The following AKAP1 variants were observed in gnomAD, a reference collection of about 807,000 sequenced individuals.
AKAP1 encodes A-kinase anchor protein 1, mitochondrial.
In AKAP1, 32 loss-of-function variants were observed where a neutral mutation model predicts 79.8. The ratio of observed to expected loss-of-function variants is 0.40; its 90% CI spans 0.30 to 0.54. AKAP1 has a LOEUF of 0.54. Among genes scored for constraint, AKAP1 ranks in the 20% least tolerant of loss-of-function variants. The probability of loss-of-function intolerance (pLI) is 0.47; values close to 1 mark genes in which losing one functional copy is unlikely to be tolerated. For missense variants in AKAP1, 961 were observed against 1,138.9 expected (o/e 0.84, Z 2.25); for synonymous variants, 416 against 466.7 (o/e 0.89, Z 1.40).
At chr17:57,109,974 G>A in intron 2 of AKAP1, 51 bp from the exon 3 acceptor site, 1 of 1,594,442 alleles carries the variant, frequency 6.3e-7, no homozygotes, top group Non-Finnish European at 8.6e-7. Context: ...GTTACTGGCT[G>A]CTCTGAGTGG....
Position 57,106,501 on chromosome 17 carries a change from G to A in AKAP1, c.1037G>A (p.Arg346Gln), listed in dbSNP as rs750999996. Reference protein sequence around the residue: ...EGLDRNEEIKRAAFQIISQVI... With the variant: ...EGLDRNEEIKQAAFQIISQVI... ...TTGGATAGAAATGAGGAGATTAAGC[G>A]GGCTGCCTTCCAGATAATCTCCCAA... The change falls in exon 2 of 11, where the codon CGG (arginine) becomes CAG (glutamine). Residue 346 changes from arginine to glutamine, a missense_variant. Transcript: ENST00000337714. The A allele has an allele frequency of 6.7e-5, 108 of 1,613,324 alleles. No individual in the cohort carries two copies. Among genetic ancestry groups the A allele is most frequent in the Non-Finnish European group, 6.5e-5 (77 of 1,179,704 alleles).
intron 1 of AKAP1, among the ~76,000 whole-genome samples, chr17:57,100,053 A>C (rs1914392279): frequency 6.6e-6 from 1 of 152,176 alleles, no homozygotes; most frequent in Non-Finnish European, 1.5e-5. Flanking sequence ...GGCTTCTCCC[A>C]GCCATCTTGA....
At chr17:57,107,885 A>C in intron 2 of AKAP1, 1 of 1,129,400 alleles carries the variant, frequency 8.9e-7, no homozygotes, top group Non-Finnish European at 1.2e-6. Flanking sequence ...GGGAGGCTTG[A>C]GCTTCCTGAG....
At chr17:57,085,994 A>G (rs778622126) in intron 1 of AKAP1, 12 of 183,846 alleles carry the variant, frequency 6.5e-5, no homozygotes, top group Non-Finnish European at 1.2e-4. Flanking sequence ...GGAACTGGGA[A>G]GATGGGCCGG....
intron 1 of AKAP1, among the ~76,000 whole-genome samples, chr17:57,103,934 A>G (rs746985036): frequency 6.6e-6 from 1 of 152,004 alleles, no homozygotes; most frequent in African/African-American, 2.4e-5. Flanking sequence ...GGCCCTTACT[A>G]TTCCTCCTTG....
Position 57,106,895 on chromosome 17 carries a change from G to A in AKAP1, c.1431G>A (p.Arg477=). ...LTTPSEELPD[R]AGILVEDATC... is the part of the protein sequence containing the mutation. ...CCCCCAGTGAAGAGTTGCCGGACCG[G>A]GCAGGCATCCTGGTGGAAGATGCCA... Residue 477 remains arginine (R), a synonymous_variant, in exon 2 of 11, where the codon CGG becomes CGA. Coordinates refer to ENST00000337714, the MANE Select transcript of AKAP1 (RefSeq NM_003488.4). 1 of 1,613,832 alleles carries A rather than the reference G, an allele frequency of 6.2e-7. No individual in the cohort carries two copies. Among genetic ancestry groups the A allele is most frequent in the East Asian group, 2.2e-5 (1 of 44,866 alleles).
rs1009484034 is a variant in AKAP1 at position 57,114,548 on chromosome 17, T to C, written c.2193T>C (p.Pro731=). The change falls in exon 6 of 11, where the codon CCT becomes CCC. Residue 731 remains proline, a synonymous_variant. Transcript: ENST00000337714. ...TGTTCGTGCAGCAGCACACACACCCTACCTTCCACGCGCTGCGCAGCCTCG... is the reference window on the plus strand; with the variant it reads ...TGTTCGTGCAGCAGCACACACACCCCACCTTCCACGCGCTGCGCAGCCTCG... ...GHLFVQQHTH[P]TFHALRSLDQ... The C allele has an allele frequency of 2.5e-6, 4 of 1,614,072 alleles. No homozygotes were observed. In the African/African-American group the frequency reaches 4.0e-5, roughly 16 times the overall value.
chr17:57,095,484 T>A, intron 1 of AKAP1: 1 of 125,768 alleles, frequency 8.0e-6, no homozygotes, highest in Admixed American at 8.7e-5. Flanking sequence ...TTTTTTTTTT[T>A]TCTTCTGCCC....
At chr17:57,095,618 A>C (rs751123222) in intron 1 of AKAP1, 1 of 151,776 alleles carries the variant, frequency 6.6e-6, no homozygotes, top group African/African-American at 2.4e-5. Flanking sequence ...ATTACCTTCT[A>C]TGCTTTTATG....
In AKAP1 at chr17:57,105,579, C is replaced by G. The variant is rs1274646741; in HGVS notation, c.115C>G (p.Gln39Glu). ...AGGCCATGTCAGCAGCCATGATGAG[C>G]AGCAGGTGGAGGCTGGTGCTGTGCA... ...KKGHVSSHDE[Q>E]QVEAGAVQLR... Residue 39 changes from glutamine (Q) to glutamate (E), a missense_variant, in exon 2 of 11, where the codon CAG (glutamine) becomes GAG (glutamate). Gln to Glu is a conservative substitution (Grantham distance 29). Transcript: ENST00000337714. 6.2e-7 allele frequency: 1 copy of G among 1,614,116 alleles called. No homozygotes were observed. Among genetic ancestry groups the G allele is most frequent in the Non-Finnish European group, 8.5e-7 (1 of 1,180,018 alleles).
intron 6 of AKAP1, among the ~76,000 whole-genome samples, chr17:57,115,883 C>T (rs976397666): frequency 2.6e-5 from 4 of 152,194 alleles, no homozygotes; most frequent in Non-Finnish European, 4.4e-5. Context: ...TGGATGGCCT[C>T]GGGGGCGGCA....
rs765893621 is a variant in AKAP1 at position 57,118,459 on chromosome 17, G to C, written c.2574+5G>C. On this transcript the variant is annotated splice_donor_5th_base_variant and intron_variant, in intron 9 of 10. Transcript: ENST00000337714. ...AATACAGCACTGCTTGCTCAGGTGT[G>C]TGGTTGGCAGGGGTGGGGGAGGCAG... 2 of 1,613,884 alleles carry C rather than the reference G, an allele frequency of 1.2e-6. No homozygotes were observed. Among genetic ancestry groups the C allele is most frequent in the Non-Finnish European group, 1.7e-6 (2 of 1,179,860 alleles).
At chr17:57,101,982 A>G (rs1229681067) in intron 1 of AKAP1, among the ~76,000 whole-genome samples, 1 of 152,188 alleles carries the variant, frequency 6.6e-6, no homozygotes, top group Non-Finnish European at 1.5e-5. Flanking sequence ...TTTCGGTAAC[A>G]TCGGTATGTC....
chr17:57,105,784 C>T lies in AKAP1; in HGVS notation c.320C>T (p.Ser107Phe), dbSNP rs1405680094. ...CACCCACCTTGCCGAAGATCAGAGT[C>T]CTCGGGCATTCTTCCTAACACCACA... ...QTHPPCRRSE[S>F]SGILPNTTDM... Residue 107 changes from serine to phenylalanine, a missense_variant, in exon 2 of 11, where the codon TCC becomes TTC. By Grantham distance (155) the Ser-to-Phe change is radical (BLOSUM62 -2). This residue lies in a region of AKAP1 where 108 missense variants were observed against 147.6 expected (regional missense o/e 0.73). Coordinates refer to ENST00000337714, the MANE Select transcript of AKAP1 (RefSeq NM_003488.4). The T allele has an allele frequency of 6.2e-7, 1 of 1,614,236 alleles. No homozygotes were observed. The highest frequency in any genetic ancestry group is 8.5e-7 in the Non-Finnish European group (1 of 1,180,046).
rs372541814 is a variant in AKAP1 at position 57,116,178 on chromosome 17, C to T, written c.2349C>T (p.Tyr783=). 5.9e-5 allele frequency: 96 copies of T among 1,614,146 alleles called. No individual in the cohort carries two copies. The South Asian group carries it at 8.6e-4, about 14-fold the overall frequency. The part of the protein sequence containing the change: ...AWWRAQVVAS[Y]EETNEVEIRY... The stretch of plus-strand genomic sequence containing the variant: ...GGCGAGCCCAAGTGGTTGCCTCCTA[C>T]GAGGAGACCAACGAAGTGGAGATTC... The change falls in exon 7 of 11, where the codon TAC becomes TAT. Residue 783 remains tyrosine, a synonymous_variant. Coordinates refer to ENST00000337714, the MANE Select transcript of AKAP1 (RefSeq NM_003488.4).
intron 6 of AKAP1, among the ~76,000 whole-genome samples, chr17:57,115,581 A>G (rs1010262024): frequency 6.6e-6 from 1 of 152,180 alleles, no homozygotes; most frequent in Non-Finnish European, 1.5e-5. Flanking sequence ...GTGGCTGCCC[A>G]GGTGCTGTCA....
At position 57,115,536 on chromosome 17, in the gene AKAP1, T is replaced by C. The variant is rs1597990430; in HGVS notation, c.2282-575T>C. 2.0e-5 allele frequency among the ~76,000 whole-genome samples: 3 copies of C among 152,286 alleles called. No homozygotes were observed. The South Asian group carries it at 6.2e-4, about 32-fold the overall frequency. ...TTTACCTCCTGGTCTCGTCTGCCTC[T>C]GACCCACAGTGGGTTAGTGACTCCT... On this transcript the variant is annotated intron_variant, in intron 6 of 10. Coordinates refer to ENST00000337714, the MANE Select transcript of AKAP1 (RefSeq NM_003488.4).
At chr17:57,113,724 T>A (rs1278215264) in intron 5 of AKAP1, among the ~76,000 whole-genome samples, 2 of 148,260 alleles carry the variant, frequency 1.3e-5, no homozygotes, top group Non-Finnish European at 3.0e-5. Context: ...TGCCCCAGCC[T>A]CCTGAGTAGC....
chr17:57,110,016 C>A lies in AKAP1; in HGVS notation c.1715-9C>A. On this transcript the variant is annotated splice_polypyrimidine_tract_variant and intron_variant, in intron 2 of 10. Coordinates refer to ENST00000337714, the MANE Select transcript of AKAP1 (RefSeq NM_003488.4). ...TGTGTGTGCGTGCCTGCTGCTTCTTCCCCTGCAGGTTCTGACAGGAACAGC... is the reference window on the plus strand; with the variant it reads ...TGTGTGTGCGTGCCTGCTGCTTCTTACCCTGCAGGTTCTGACAGGAACAGC... 6.2e-7 allele frequency: 1 copy of A among 1,613,520 alleles called. No homozygotes were observed. Among genetic ancestry groups the A allele is most frequent in the South Asian group, 1.1e-5 (1 of 90,984 alleles).
Sources: gnomAD v4.1 joint callset for allele counts (sites outside exome capture counted in the v4.1 genomes callset) on GRCh38, gnomAD v4.1.1 for gene constraint, gnomAD v4.1.1 regional missense constraint, MANE v1.5 for transcripts, NCBI Gene and HGNC (gene_info 2026-07-23, HGNC 2026-07-21) for gene names.